SH3RF3: variants seen among roughly 807,000 people sequenced by gnomAD.
SH3RF3 encodes SH3 domain containing ring finger 3.
SH3RF3 carries 29 observed loss-of-function variants against 66.3 expected under a neutral mutation model. The observed-to-expected ratio is 0.44, with a 90% CI of 0.33 to 0.60. The LOEUF is 0.60. Among genes scored for constraint, SH3RF3 ranks in the 20% least tolerant of loss-of-function variants. SH3RF3 has a pLI of 0.04. For missense variants in SH3RF3, 1,194 were observed against 1,190.9 expected (o/e 1.00, Z -0.04); for synonymous variants, 583 against 532.0 (o/e 1.10, Z -1.32).
At position 109,306,895 on chromosome 2, in the gene SH3RF3, C is replaced by T. The variant is rs563531094; in HGVS notation, c.574-40779C>T. 9.3e-4 allele frequency among the ~76,000 whole-genome samples: 141 copies of T among 152,238 alleles called. 2 individuals are homozygous for T. Among genetic ancestry groups the T allele is most frequent in the African/African-American group, 3.3e-3 (136 of 41,548 alleles). On this transcript the variant is annotated intron_variant, in intron 1 of 9. Coordinates refer to ENST00000309415, the MANE Select transcript of SH3RF3 (RefSeq NM_001099289.3). ...CTTGGTTCAACGGGTGTGCGGTGTA[C>T]GGTAGGGCCGCGGCATGCATGCCCG...
At chr2:109,189,572 T>C (rs1678291250) in intron 1 of SH3RF3, among the ~76,000 whole-genome samples, 1 of 152,022 alleles carries the variant, frequency 6.6e-6, no homozygotes, top group Non-Finnish European at 1.5e-5. Context: ...TTTCACTATA[T>C]TGGAAAGGCT....
chr2:109,498,020 G>A (rs1232502154), intron 9 of SH3RF3, among the ~76,000 whole-genome samples: 1 of 152,172 alleles, frequency 6.6e-6, no homozygotes, highest in Non-Finnish European at 1.5e-5. Flanking sequence ...CTCAGTTTGT[G>A]TGTATGCTGT....
intron 3 of SH3RF3, among the ~76,000 whole-genome samples, chr2:109,389,229 G>C (rs1480470298): frequency 6.6e-6 from 1 of 151,698 alleles, no homozygotes; most frequent in Non-Finnish European, 1.5e-5. Context: ...GGCCCCTCCT[G>C]GTCCTCAGCA....
At chr2:109,400,315 C>T (rs746617017) in intron 4 of SH3RF3, among the ~76,000 whole-genome samples, 7 of 152,022 alleles carry the variant, frequency 4.6e-5, no homozygotes, top group Admixed American at 1.3e-4. Context: ...ACACATGGCA[C>T]ACACATATAC....
intron 3 of SH3RF3, among the ~76,000 whole-genome samples, chr2:109,385,813 C>CA (rs1163579236): frequency 4.6e-5 from 7 of 151,890 alleles, no homozygotes; most frequent in South Asian, 4.2e-4. Flanking sequence ...GCACCAGAAA[C>CA]AAAAAAAATA....
At position 109,504,181 on chromosome 2, in the gene SH3RF3, CAT is replaced by C. The variant is rs1679470166; in HGVS notation, c.*2511_*2512del. The C allele has an allele frequency of 1.3e-5, 2 of 152,352 alleles. No individual in the cohort carries two copies. Among genetic ancestry groups the C allele is most frequent in the African/African-American group, 2.4e-5 (1 of 41,582 alleles). 9.4% of individuals were successfully genotyped at this position (152,352 alleles called of 1,614,324 possible). A position where few individuals can be genotyped will look rare whatever the true frequency, so the allele number is the denominator to read the frequency against. The stretch of plus-strand genomic sequence containing the variant: ...AGGCCATCTTGCCTCAAAGGGTACA[CAT>C]GTTTGGCGGTTAAGATGAAACTAAC... On this transcript the variant is annotated 3_prime_UTR_variant, in exon 10 of 10. Transcript: ENST00000309415.
At chr2:109,212,434 A>G (rs1221597377) in intron 1 of SH3RF3, among the ~76,000 whole-genome samples, 1 of 152,250 alleles carries the variant, frequency 6.6e-6, no homozygotes, top group African/African-American at 2.4e-5. Flanking sequence ...ACAAGGAAAA[A>G]CAATACAAAA....
chr2:109,405,661 A>G (rs10168620), intron 4 of SH3RF3, among the ~76,000 whole-genome samples: 111,871 of 152,142 alleles, frequency 0.74, 42,174 homozygotes, highest in African/African-American at 0.91. Flanking sequence ...GCCCTTCCAG[A>G]CCATCTGACA....
intron 1 of SH3RF3, among the ~76,000 whole-genome samples, chr2:109,210,791 C>T (rs1054269927): frequency 2.0e-5 from 3 of 152,176 alleles, no homozygotes; most frequent in African/African-American, 7.2e-5. Flanking sequence ...GCAAGCACGA[C>T]CTATTTCTAA....
Position 109,373,705 on chromosome 2 carries a change from G to A in SH3RF3, c.945+2024G>A, listed in dbSNP as rs117609669. 6.7e-3 allele frequency among the ~76,000 whole-genome samples: 1,024 copies of A among 152,254 alleles called. 10 individuals are homozygous for A. The highest frequency in any genetic ancestry group is 0.049 in the East Asian group (252 of 5,182). ...CAGAAAGGTTTCGTGTCCTGATCTC[G>A]GGAGAGCTGCACAGATTATGCTGCT... On this transcript the variant is annotated intron_variant, in intron 3 of 9. Coordinates refer to ENST00000309415, the MANE Select transcript of SH3RF3 (RefSeq NM_001099289.3).
intron 8 of SH3RF3, among the ~76,000 whole-genome samples, chr2:109,475,960 A>G (rs1411178943): frequency 6.6e-6 from 1 of 152,198 alleles, no homozygotes; most frequent in African/African-American, 2.4e-5. Context: ...TCCTGTGGTG[A>G]AATTTAGCTT....
At chr2:109,332,932 A>G (rs1192288432) in intron 1 of SH3RF3, among the ~76,000 whole-genome samples, 1 of 152,264 alleles carries the variant, frequency 6.6e-6, no homozygotes, top group Non-Finnish European at 1.5e-5. Context: ...ATGGGAGGAA[A>G]TTAACTGTGA....
chr2:109,391,478 T>C (rs1420982409), intron 3 of SH3RF3, among the ~76,000 whole-genome samples: 1 of 152,068 alleles, frequency 6.6e-6, no homozygotes, highest in Non-Finnish European at 1.5e-5. Flanking sequence ...CTCACACAGG[T>C]CTCCAGCACA....
At chr2:109,500,635 T>A (rs970656473) in intron 9 of SH3RF3, among the ~76,000 whole-genome samples, 2 of 152,178 alleles carry the variant, frequency 1.3e-5, no homozygotes, top group African/African-American at 2.4e-5. Context: ...AAAAATCTTA[T>A]GATTTTTGGA....
intron 1 of SH3RF3, among the ~76,000 whole-genome samples, chr2:109,182,453 G>A (rs771983179): frequency 1.3e-5 from 2 of 152,156 alleles, no homozygotes; most frequent in Non-Finnish European, 1.5e-5. Flanking sequence ...CATAAACTTT[G>A]GGGGACACAC....
chr2:109,447,363 CGGTGCTACTTCCCGT>C (rs903752813), intron 7 of SH3RF3, among the ~76,000 whole-genome samples: 17 of 152,170 alleles, frequency 1.1e-4, no homozygotes, highest in Non-Finnish European at 2.2e-4. Flanking sequence ...GTATGTCTCA[CGGTGCTACTTCCCGT>C]GGCCTCCAAA....
At chr2:109,482,494 A>G (rs919396114) in intron 8 of SH3RF3, among the ~76,000 whole-genome samples, 1 of 152,092 alleles carries the variant, frequency 6.6e-6, no homozygotes, top group Non-Finnish European at 1.5e-5. Flanking sequence ...TTCCTCAGGG[A>G]GTCAGTCTCT....
rs568381226 is a variant in SH3RF3 at position 109,203,109 on chromosome 2, GGTGCCCTGGGCCTGTCCGTGTCC to G, written c.573+72997_573+73019del. Among the ~76,000 whole-genome samples the G allele has an allele frequency of 2.6e-5, 4 of 152,220 alleles. No homozygotes were observed. In the South Asian group the frequency reaches 8.3e-4, roughly 32 times the overall value. On this transcript the variant is annotated intron_variant, in intron 1 of 9. Transcript: ENST00000309415. ...GCCTGGAACACTGGTGGCCCTGCAC[GGTGCCCTGGGCCTGTCCGTGTCC>G]TCAGCAGTCAAGGAGCACTGTCCAC...
At chr2:109,203,823 C>T (rs545428277) in intron 1 of SH3RF3, among the ~76,000 whole-genome samples, 3 of 151,956 alleles carry the variant, frequency 2.0e-5, no homozygotes, top group African/African-American at 7.2e-5. Context: ...GACTCTGAAG[C>T]GTTTGCTCTC....
Sources: gnomAD v4.1 joint callset for allele counts (sites outside exome capture counted in the v4.1 genomes callset) on GRCh38, gnomAD v4.1.1 for gene constraint, MANE v1.5 for transcripts, NCBI Gene and HGNC (gene_info 2026-07-23, HGNC 2026-07-21) for gene names.